The following TMTC2 variants were observed in gnomAD, a reference collection of about 807,000 sequenced individuals.
The protein encoded by TMTC2 is transmembrane O-mannosyltransferase targeting cadherins 2.
TMTC2 carries 43 observed loss-of-function variants against 82.4 expected under a neutral mutation model. The ratio of observed to expected loss-of-function variants is 0.52; its 90% CI spans 0.41 to 0.67. The LOEUF (loss-of-function observed/expected upper bound fraction) is 0.67. Among genes scored for constraint, TMTC2 ranks in the 30% least tolerant of loss-of-function variants. The probability of loss-of-function intolerance (pLI) is 0.00; values close to 1 mark genes in which losing one functional copy is unlikely to be tolerated. For missense variants in TMTC2, 919 were observed against 1,012.4 expected (o/e 0.91, Z 1.25); for synonymous variants, 408 against 381.9 (o/e 1.07, Z -0.80).
At chr12:82,722,167 C>A (rs545311128) in intron 1 of TMTC2, among the ~76,000 whole-genome samples, 6 of 152,234 alleles carry the variant, frequency 3.9e-5, no homozygotes, top group African/African-American at 9.6e-5. Context: ...AAAGAAAAAT[C>A]AAAGGACTTG....
At chr12:83,079,158 A>G (rs985129976) in intron 11 of TMTC2, among the ~76,000 whole-genome samples, 13 of 152,084 alleles carry the variant, frequency 8.5e-5, no homozygotes, top group East Asian at 1.9e-4. Flanking sequence ...TACTTCTATC[A>G]GTTATTTTTT....
intron 1 of TMTC2, among the ~76,000 whole-genome samples, chr12:82,788,665 T>C (rs915666915): frequency 1.3e-5 from 2 of 152,170 alleles, no homozygotes; most frequent in Non-Finnish European, 2.9e-5. Context: ...TTTTTCATGT[T>C]CAGGAGCTAA....
chr12:83,046,859 A>G (rs1227772656), intron 9 of TMTC2, among the ~76,000 whole-genome samples: 2 of 152,168 alleles, frequency 1.3e-5, no homozygotes, highest in African/African-American at 4.8e-5. Flanking sequence ...GACAATTCTG[A>G]TTTCCACCAT....
At chr12:82,815,796 A>G (rs999395261) in intron 1 of TMTC2, among the ~76,000 whole-genome samples, 3 of 152,128 alleles carry the variant, frequency 2.0e-5, no homozygotes, top group Admixed American at 2.0e-4. Flanking sequence ...TGTTGAATCA[A>G]TCTGAAAGAT....
intron 2 of TMTC2, among the ~76,000 whole-genome samples, chr12:82,877,184 T>C (rs536222302): frequency 2.0e-5 from 3 of 152,304 alleles, no homozygotes; most frequent in African/African-American, 7.2e-5. Flanking sequence ...AATTTTGTTA[T>C]TTACTACAAC....
At chr12:82,973,218 G>A (rs1037462344) in intron 7 of TMTC2, among the ~76,000 whole-genome samples, 2 of 152,036 alleles carry the variant, frequency 1.3e-5, no homozygotes, top group African/African-American at 2.4e-5. Flanking sequence ...AATCAATGAG[G>A]CAATCCTACG....
At chr12:82,741,531 G>A (rs1014524891) in intron 1 of TMTC2, among the ~76,000 whole-genome samples, 5 of 152,116 alleles carry the variant, frequency 3.3e-5, no homozygotes, top group African/African-American at 7.2e-5. Flanking sequence ...GGCTGGTCTT[G>A]AACTCCTGAC....
chr12:83,132,048 T>G (rs1365129868), intron 11 of TMTC2, among the ~76,000 whole-genome samples, 162 bp from the exon 12 acceptor site: 1 of 152,232 alleles, frequency 6.6e-6, no homozygotes, highest in Admixed American at 6.5e-5. Context: ...CTTTCCATCT[T>G]CCTAGTTATC....
intron 8 of TMTC2, among the ~76,000 whole-genome samples, chr12:83,029,285 T>G (rs749128686): frequency 2.6e-5 from 4 of 152,096 alleles, no homozygotes; most frequent in African/African-American, 4.8e-5. Context: ...CACAAATTCA[T>G]AAGCTTTCTT....
intron 4 of TMTC2, among the ~76,000 whole-genome samples, chr12:82,941,322 T>C (rs1039663309): frequency 1.8e-4 from 27 of 152,204 alleles, no homozygotes; most frequent in Admixed American, 9.2e-4. Flanking sequence ...AGTGCCCATG[T>C]ACCATTTTCC....
At chr12:82,808,954 A>C (rs899470141) in intron 1 of TMTC2, among the ~76,000 whole-genome samples, 1 of 151,448 alleles carries the variant, frequency 6.6e-6, no homozygotes, top group Non-Finnish European at 1.5e-5. Flanking sequence ...TTGGTATGGA[A>C]AAGATTCCTC....
intron 3 of TMTC2, among the ~76,000 whole-genome samples, chr12:82,917,876 C>T (rs1477810765): frequency 2.6e-5 from 4 of 151,462 alleles, no homozygotes; most frequent in Non-Finnish European, 5.9e-5. Context: ...GCTGGGATTA[C>T]AGGCGTGAGC....
At chr12:83,005,452 C>A (rs1162411848) in intron 8 of TMTC2, among the ~76,000 whole-genome samples, 1 of 152,004 alleles carries the variant, frequency 6.6e-6, no homozygotes, top group Non-Finnish European at 1.5e-5. Context: ...GAAGAGATGA[C>A]CCCCTTATCA....
At chr12:82,788,486 G>A (rs1878294846) in intron 1 of TMTC2, among the ~76,000 whole-genome samples, 1 of 152,050 alleles carries the variant, frequency 6.6e-6, no homozygotes, top group Non-Finnish European at 1.5e-5. Flanking sequence ...GCACAGTGGG[G>A]TTGCTTGAGT....
At chr12:82,772,249 A>C (rs912682372) in intron 1 of TMTC2, among the ~76,000 whole-genome samples, 1 of 152,198 alleles carries the variant, frequency 6.6e-6, no homozygotes, top group East Asian at 1.9e-4. Flanking sequence ...AGCCAACTTC[A>C]TGCATTTTAT....
intron 4 of TMTC2, among the ~76,000 whole-genome samples, chr12:82,940,340 T>C (rs1024118914): frequency 2.6e-5 from 4 of 152,160 alleles, no homozygotes; most frequent in Admixed American, 1.3e-4. Context: ...TCTACATTTC[T>C]TTCAATTTTC....
intron 11 of TMTC2, among the ~76,000 whole-genome samples, chr12:83,086,949 A>G (rs1206832520): frequency 6.6e-6 from 1 of 152,180 alleles, no homozygotes; most frequent in Non-Finnish European, 1.5e-5. Context: ...ACAACAATGA[A>G]GTTTGCTGCA....
intron 1 of TMTC2, among the ~76,000 whole-genome samples, chr12:82,775,486 A>G (rs1226816112): frequency 2.0e-5 from 3 of 151,902 alleles, no homozygotes; most frequent in African/African-American, 7.3e-5. Flanking sequence ...GAGAAACAAG[A>G]TTTCCATACT....
At chr12:82,814,586 G>C (rs534688854) in intron 1 of TMTC2, among the ~76,000 whole-genome samples, 10 of 152,100 alleles carry the variant, frequency 6.6e-5, no homozygotes, top group African/African-American at 2.4e-4. Flanking sequence ...GGATTATAAA[G>C]GAAGCAAGTA....
Sources: gnomAD v4.1 joint callset for allele counts (sites outside exome capture counted in the v4.1 genomes callset) on GRCh38, gnomAD v4.1.1 for gene constraint, MANE v1.5 for transcripts, NCBI Gene and HGNC (gene_info 2026-07-23, HGNC 2026-07-21) for gene names.